FGF14: variants seen among roughly 807,000 people sequenced by gnomAD.
The protein encoded by FGF14 is fibroblast growth factor homologous factor 4.
In FGF14, 5 loss-of-function variants were observed where a neutral mutation model predicts 25.5. The ratio of observed to expected loss-of-function variants is 0.20; its 90% CI spans 0.10 to 0.41. The LOEUF (loss-of-function observed/expected upper bound fraction) is 0.41, where lower values mean the gene tolerates loss of function less well. Among genes scored for constraint, FGF14 ranks in the 10% least tolerant of loss-of-function variants. The probability of loss-of-function intolerance (pLI) is 1.00; values close to 1 mark genes in which losing one functional copy is unlikely to be tolerated. For missense variants in FGF14, 222 were observed against 320.1 expected (o/e 0.69, Z 2.34); for synonymous variants, 138 against 118.3 (o/e 1.17, Z -1.08).
chr13:102,108,518 T>C (rs2045045774), intron 1 of FGF14, among the ~76,000 whole-genome samples: 1 of 152,226 alleles, frequency 6.6e-6, no homozygotes, highest in South Asian at 2.1e-4. Context: ...TAAGATATTG[T>C]GTGAGCTCTT....
At chr13:102,074,946 T>C (rs1354897484) in intron 1 of FGF14, among the ~76,000 whole-genome samples, 1 of 152,198 alleles carries the variant, frequency 6.6e-6, no homozygotes, top group Non-Finnish European at 1.5e-5. Flanking sequence ...AGGCTGTATA[T>C]GGCAAGCTCA....
chr13:102,147,502 G>A (rs984517656), intron 1 of FGF14, among the ~76,000 whole-genome samples: 1 of 152,206 alleles, frequency 6.6e-6, no homozygotes, highest in African/African-American at 2.4e-5. Flanking sequence ...AAGGAAGGCA[G>A]ACAAACATAT....
chr13:102,102,946 C>T (rs16959720), intron 1 of FGF14, among the ~76,000 whole-genome samples: 6,253 of 152,224 alleles, frequency 0.041, 282 homozygotes, highest in African/African-American at 0.098. Context: ...TTCTAGTACA[C>T]GGCCAGGAGG....
intron 3 of FGF14, among the ~76,000 whole-genome samples, chr13:101,836,775 T>C (rs934010664): frequency 6.6e-6 from 1 of 152,076 alleles, no homozygotes; most frequent in Non-Finnish European, 1.5e-5. Flanking sequence ...TTGCATTAAG[T>C]AGAACCAGCA....
At chr13:102,051,498 C>T (rs2042214784) in intron 1 of FGF14, among the ~76,000 whole-genome samples, 1 of 152,150 alleles carries the variant, frequency 6.6e-6, no homozygotes. Flanking sequence ...ACCCAGTGCC[C>T]CAAAGGACCT....
intron 1 of FGF14, among the ~76,000 whole-genome samples, chr13:102,273,187 T>A: frequency 6.6e-6 from 1 of 152,184 alleles, no homozygotes; most frequent in Non-Finnish European, 1.5e-5. Flanking sequence ...ATGGTGTGGT[T>A]CAAGCCCGTG....
At chr13:101,902,378 A>G (rs2031680023) in intron 1 of FGF14, among the ~76,000 whole-genome samples, 1 of 152,110 alleles carries the variant, frequency 6.6e-6, no homozygotes, top group Non-Finnish European at 1.5e-5. Flanking sequence ...AAAGAGGCTC[A>G]TACGTTTCTT....
chr13:102,197,604 T>C (rs1213509626), intron 1 of FGF14, among the ~76,000 whole-genome samples: 2 of 151,838 alleles, frequency 1.3e-5, no homozygotes, highest in Non-Finnish European at 2.9e-5. Flanking sequence ...TAAATAATTA[T>C]ATATTTATAC....
intron 1 of FGF14, among the ~76,000 whole-genome samples, chr13:102,102,116 C>A (rs1902636): frequency 0.38 from 58,373 of 152,112 alleles, 13,418 homozygotes; most frequent in Non-Finnish European, 0.51. Context: ...TGATCCAATA[C>A]AGTTGGTATG....
At chr13:102,063,062 G>A (rs1015878859) in intron 1 of FGF14, among the ~76,000 whole-genome samples, 1 of 152,140 alleles carries the variant, frequency 6.6e-6, no homozygotes, top group Non-Finnish European at 1.5e-5. Context: ...ATAAAATAAT[G>A]AGGGTTATGA....
At chr13:102,175,712 A>T (rs1375896369) in intron 1 of FGF14, among the ~76,000 whole-genome samples, 4 of 152,114 alleles carry the variant, frequency 2.6e-5, no homozygotes, top group African/African-American at 9.7e-5. Flanking sequence ...ACTCAAACAG[A>T]TAAAAGAGAA....
chr13:101,974,410 T>C (rs914076011), intron 1 of FGF14, among the ~76,000 whole-genome samples: 23 of 152,184 alleles, frequency 1.5e-4, no homozygotes, highest in Non-Finnish European at 8.8e-5. Flanking sequence ...CTCATATTAG[T>C]TTGTCATAAA....
chr13:101,783,997 G>T (rs984114744), intron 3 of FGF14, among the ~76,000 whole-genome samples: 4 of 152,118 alleles, frequency 2.6e-5, no homozygotes, highest in Non-Finnish European at 5.9e-5. Flanking sequence ...TCAGATAGTT[G>T]TAAGTGTGCA....
At position 101,713,573 on chromosome 13, in the gene FGF14, G is replaced by A. The variant is rs753516860; in HGVS notation, c.*9258C>T. ...TCATTGTAAAGTCTTTCCTGCTGTC[G>A]TTGAGGCAGTTTTTCCATGTAAGGG... On this transcript the variant is annotated 3_prime_UTR_variant, in exon 5 of 5. Coordinates refer to ENST00000376143, the MANE Select transcript of FGF14 (RefSeq NM_004115.4). The A allele has an allele frequency of 2.0e-5, 3 of 152,150 alleles. No individual in the cohort carries two copies. Among genetic ancestry groups the A allele is most frequent in the East Asian group, 3.9e-4 (2 of 5,190 alleles). 9.4% of individuals were successfully genotyped at this position (152,150 alleles called of 1,614,324 possible). A position where few individuals can be genotyped will look rare whatever the true frequency, so the allele number is the denominator to read the frequency against.
At chr13:101,771,043 AG>A (rs2038737552) in intron 3 of FGF14, among the ~76,000 whole-genome samples, 1 of 152,274 alleles carries the variant, frequency 6.6e-6, no homozygotes, top group South Asian at 2.1e-4. Flanking sequence ...TTTTCAATCT[AG>A]TAAAATCAAT....
At chr13:102,135,298 C>T (rs919394181) in intron 1 of FGF14, among the ~76,000 whole-genome samples, 1 of 152,114 alleles carries the variant, frequency 6.6e-6, no homozygotes, top group Non-Finnish European at 1.5e-5. Context: ...ATGAACACAG[C>T]ATTGTCTCCT....
At chr13:101,850,279 C>A (rs1424203315) in intron 3 of FGF14, among the ~76,000 whole-genome samples, 1,611 of 27,920 alleles carry the variant, frequency 0.058, 531 homozygotes, top group African/African-American at 0.15. Flanking sequence ...ACTAAAAATC[C>A]AAAAAAAAAA....
intron 1 of FGF14, among the ~76,000 whole-genome samples, chr13:102,034,219 TGAGA>T (rs1324805131): frequency 1.3e-5 from 2 of 152,008 alleles, no homozygotes; most frequent in African/African-American, 2.4e-5. Flanking sequence ...TACAACATAA[TGAGA>T]GAGAGCTGAC....
intron 1 of FGF14, among the ~76,000 whole-genome samples, chr13:102,161,988 G>A (rs975772794): frequency 3.3e-5 from 5 of 152,062 alleles, no homozygotes; most frequent in African/African-American, 1.2e-4. Context: ...CCTTTCTGAT[G>A]TGTTAATATT....
Sources: allele counts gnomAD v4.1 joint callset (sites outside exome capture counted in the v4.1 genomes callset), GRCh38; gene constraint gnomAD v4.1.1; transcripts MANE v1.5; gene names NCBI Gene and HGNC (gene_info 2026-07-23, HGNC 2026-07-21).